Variants in LPP observed in about 807,000 individuals in gnomAD.
LPP encodes the protein lipoma-preferred partner.
In LPP, 38 loss-of-function variants were observed where a neutral mutation model predicts 60.4. The observed-to-expected ratio is 0.63, with a 90% CI of 0.49 to 0.83. LPP has a LOEUF of 0.83. Among genes scored for constraint, LPP ranks in the 40% least tolerant of loss-of-function variants. LPP has a pLI of 0.00. For synonymous variants in LPP, 328 were observed against 290.8 expected (o/e 1.13, Z -1.30); for missense variants, 902 against 783.6 (o/e 1.15, Z -1.80).
At chr3:188,284,806 C>A (rs1261996652) in intron 2 of LPP, among the ~76,000 whole-genome samples, 1 of 151,938 alleles carries the variant, frequency 6.6e-6, no homozygotes, top group African/African-American at 2.4e-5. Flanking sequence ...GGGCCTCGGC[C>A]CCATTTCCTG....
intron 7 of LPP, among the ~76,000 whole-genome samples, chr3:188,691,029 T>C (rs1255002477): frequency 6.6e-6 from 1 of 152,228 alleles, no homozygotes; most frequent in Non-Finnish European, 1.5e-5. Context: ...TATTAGCTAC[T>C]CCTGCCTGTC....
At chr3:188,738,824 C>T (rs1448138266) in intron 8 of LPP, among the ~76,000 whole-genome samples, 1 of 152,060 alleles carries the variant, frequency 6.6e-6, no homozygotes, top group Admixed American at 6.6e-5. Context: ...AATGATGCAC[C>T]TTTCAACTCT....
chr3:188,368,682 TCACA>T lies in LPP; in HGVS notation c.-10+26998_-10+27001del, dbSNP rs1289084950. Among the ~76,000 whole-genome samples the T allele has an allele frequency of 2.3e-3, 294 of 129,482 alleles. 2 individuals are homozygous for T. Among genetic ancestry groups the T allele is most frequent in the African/African-American group, 7.9e-3 (283 of 35,920 alleles). 84.9% of individuals were successfully genotyped at this position (129,482 alleles called of 152,430 possible). A position where few individuals can be genotyped will look rare whatever the true frequency, so the allele number is the denominator to read the frequency against. On this transcript the variant is annotated intron_variant, in intron 3 of 11. Coordinates refer to ENST00000617246, the MANE Select transcript of LPP (RefSeq NM_001375462.1). ...TTATACTACAAACACACACACACTCTCACACACACACACACACACACACACACAC... is the reference window on the plus strand; with the variant it reads ...TTATACTACAAACACACACACACTCTCACACACACACACACACACACACAC...
At chr3:188,731,349 G>A (rs937266120) in intron 8 of LPP, among the ~76,000 whole-genome samples, 5 of 152,028 alleles carry the variant, frequency 3.3e-5, no homozygotes, top group Admixed American at 6.5e-5. Context: ...AAGATCATTC[G>A]GATTTAACAA....
At chr3:188,779,031 G>C (rs1456780759) in intron 9 of LPP, among the ~76,000 whole-genome samples, 1 of 151,916 alleles carries the variant, frequency 6.6e-6, no homozygotes, top group Non-Finnish European at 1.5e-5. Flanking sequence ...TATTTCAAAT[G>C]CTTCACAATT....
At chr3:188,543,738 G>A (rs1825817527) in intron 6 of LPP, among the ~76,000 whole-genome samples, 1 of 152,132 alleles carries the variant, frequency 6.6e-6, no homozygotes, top group Non-Finnish European at 1.5e-5. Context: ...ATGTGGAGGG[G>A]ACAGCCCATC....
chr3:188,668,938 T>C (rs914334600), intron 7 of LPP, among the ~76,000 whole-genome samples: 6 of 152,178 alleles, frequency 3.9e-5, no homozygotes, highest in African/African-American at 1.4e-4. Context: ...TACTTGAAAA[T>C]GGGCATTTTA....
Position 188,611,338 on chromosome 3 carries a change from T to C in LPP, c.1113+1494T>C, listed in dbSNP as rs559325503. On this transcript the variant is annotated intron_variant, in intron 7 of 11. Coordinates refer to ENST00000617246, the MANE Select transcript of LPP (RefSeq NM_001375462.1). ...AAATGTTATTACAGTTTTTTATTTCTTTTTAAAATGAATTTGTCCATAATA... is the reference window on the plus strand; with the variant it reads ...AAATGTTATTACAGTTTTTTATTTCCTTTTAAAATGAATTTGTCCATAATA... Among the ~76,000 whole-genome samples, 5 of 152,356 alleles carry C rather than the reference T, an allele frequency of 3.3e-5. No homozygotes were observed. In the South Asian group the frequency reaches 1.0e-3, roughly 32 times the overall value.
intron 5 of LPP, among the ~76,000 whole-genome samples, chr3:188,512,227 G>A (rs145411848): frequency 1.3e-5 from 2 of 152,152 alleles, no homozygotes; most frequent in African/African-American, 2.4e-5. Context: ...CCTCATCAAT[G>A]GTATTTAACA....
intron 5 of LPP, among the ~76,000 whole-genome samples, chr3:188,511,140 T>C (rs1025823498): frequency 3.4e-5 from 4 of 117,740 alleles, no homozygotes; most frequent in African/African-American, 9.8e-5. Flanking sequence ...TTCCCTCCTT[T>C]CTTCCTACCT....
chr3:188,449,272 C>G (rs574498302), intron 4 of LPP, among the ~76,000 whole-genome samples: 1 of 152,302 alleles, frequency 6.6e-6, no homozygotes, highest in East Asian at 1.9e-4. Flanking sequence ...GAGGCTCTCT[C>G]TTGTTTTTGA....
chr3:188,216,732 C>T (rs1713777995), intron 1 of LPP, among the ~76,000 whole-genome samples: 2 of 152,172 alleles, frequency 1.3e-5, no homozygotes, highest in African/African-American at 2.4e-5. Context: ...CCCAACACTC[C>T]CACAAGGCAG....
chr3:188,243,504 C>T (rs546972912), intron 2 of LPP, among the ~76,000 whole-genome samples: 1 of 152,172 alleles, frequency 6.6e-6, no homozygotes, highest in African/African-American at 2.4e-5. Flanking sequence ...AAAGCTTGCA[C>T]GGAAAGCTGC....
intron 4 of LPP, among the ~76,000 whole-genome samples, chr3:188,482,410 A>G (rs549446622): frequency 6.6e-6 from 1 of 152,230 alleles, no homozygotes; most frequent in Admixed American, 6.5e-5. Flanking sequence ...TTTCATACAT[A>G]TGACCTTTAA....
chr3:188,256,881 G>T (rs1417860160), intron 2 of LPP, among the ~76,000 whole-genome samples: 1 of 152,176 alleles, frequency 6.6e-6, no homozygotes, highest in Admixed American at 6.5e-5. Context: ...ACGTGTGGGT[G>T]TTTCAAAGTC....
intron 9 of LPP, among the ~76,000 whole-genome samples, chr3:188,856,759 T>C (rs1444059487): frequency 1.3e-5 from 2 of 152,176 alleles, no homozygotes; most frequent in Admixed American, 6.5e-5. Context: ...ATAGCCTCTA[T>C]TTATAGGTTG....
At position 188,636,696 on chromosome 3, in the gene LPP, C is replaced by T. The variant is rs368526502; in HGVS notation, c.1113+26852C>T. Among the ~76,000 whole-genome samples the T allele has an allele frequency of 5.5e-3, 830 of 152,108 alleles. 3 individuals carry two copies. The highest frequency in any genetic ancestry group is 0.019 in the East Asian group (98 of 5,160). ...GAAGAGAGCAGTGGTTCTCCCAGCA[C>T]GCAGCTGGAGATCTGAGAATGGGCA... On this transcript the variant is annotated intron_variant, in intron 7 of 11. Coordinates refer to ENST00000617246, the MANE Select transcript of LPP (RefSeq NM_001375462.1).
intron 8 of LPP, among the ~76,000 whole-genome samples, chr3:188,754,018 T>A (rs538694758): frequency 6.6e-6 from 1 of 152,358 alleles, no homozygotes; most frequent in Admixed American, 6.5e-5. Context: ...TGCATATTGC[T>A]ACATTATGTA....
At chr3:188,365,550 C>T (rs910036529) in intron 3 of LPP, among the ~76,000 whole-genome samples, 1 of 152,158 alleles carries the variant, frequency 6.6e-6, no homozygotes, top group Admixed American at 6.5e-5. Context: ...CCTTAGAACA[C>T]GTACCTGCAA....
Sources: gnomAD v4.1 joint callset for allele counts (sites outside exome capture counted in the v4.1 genomes callset) on GRCh38, gnomAD v4.1.1 for gene constraint, MANE v1.5 for transcripts, NCBI Gene and HGNC (gene_info 2026-07-23, HGNC 2026-07-21) for gene names.